Variants in WAC observed in about 807,000 individuals in gnomAD.
WAC encodes the protein WW domain containing adaptor with coiled-coil.
WAC carries 11 observed loss-of-function variants against 79.6 expected under a neutral mutation model. The observed-to-expected ratio is 0.14, with a 90% CI of 0.09 to 0.23. The LOEUF (loss-of-function observed/expected upper bound fraction) is 0.23. Ranked by LOEUF, WAC falls within the 10% of genes least tolerant of loss-of-function variation. WAC has a pLI of 1.00. For synonymous variants in WAC, 304 were observed against 276.9 expected, an observed-to-expected ratio of 1.10 and a Z score of -0.97; for missense variants, 728 against 773.5, an observed-to-expected ratio of 0.94 and a Z score of 0.70.
In WAC at chr10:28,608,170, T is replaced by G; in HGVS notation, c.920-16T>G. ...CTATTCAGGTAATTTTTCAGGCTGA[T>G]TATCTTTTTATTTAGAATCTACATC... On this transcript the variant is annotated splice_polypyrimidine_tract_variant and intron_variant, in intron 7 of 13. Coordinates refer to ENST00000354911, the MANE Select transcript of WAC (RefSeq NM_016628.5). 6.2e-6 allele frequency: 10 copies of G among 1,612,252 alleles called. No individual in the cohort carries two copies. Among genetic ancestry groups the G allele is most frequent in the Non-Finnish European group, 8.5e-6 (10 of 1,178,984 alleles).
intron 3 of WAC, among the ~76,000 whole-genome samples, chr10:28,540,900 C>A (rs989971191): frequency 1.3e-5 from 2 of 151,742 alleles, no homozygotes; most frequent in Non-Finnish European, 2.9e-5. Context: ...TTTTAGAAAA[C>A]AGTGTCTGTG....
At chr10:28,540,643 C>G (rs1165076552) in intron 3 of WAC, among the ~76,000 whole-genome samples, 1 of 152,208 alleles carries the variant, frequency 6.6e-6, no homozygotes, top group Admixed American at 6.5e-5. Context: ...GAATATAATA[C>G]ACTAACGTTT....
intron 3 of WAC, among the ~76,000 whole-genome samples, chr10:28,558,662 G>C (rs1208720661): frequency 1.3e-5 from 2 of 152,060 alleles, no homozygotes; most frequent in African/African-American, 4.8e-5. Context: ...TTGTATCAGA[G>C]ACTAAAATCA....
chr10:28,581,192 A>T (rs868384235), intron 3 of WAC, among the ~76,000 whole-genome samples: 1 of 149,730 alleles, frequency 6.7e-6, no homozygotes, highest in Non-Finnish European at 1.5e-5. Flanking sequence ...GGTGTTCAGT[A>T]CAAACCATAT....
intron 3 of WAC, among the ~76,000 whole-genome samples, chr10:28,554,026 C>T (rs1837848251): frequency 6.6e-6 from 1 of 152,100 alleles, no homozygotes; most frequent in East Asian, 1.9e-4. Context: ...ACCACCACGC[C>T]TGGCTAATTT....
At chr10:28,565,251 C>A (rs2132511757) in intron 3 of WAC, among the ~76,000 whole-genome samples, 1 of 152,336 alleles carries the variant, frequency 6.6e-6, no homozygotes, top group East Asian at 1.9e-4. Flanking sequence ...AGGCTGTTAG[C>A]AGTACAGCTC....
intron 7 of WAC, among the ~76,000 whole-genome samples, chr10:28,604,621 T>C (rs1412144040): frequency 6.6e-6 from 1 of 152,102 alleles, no homozygotes; most frequent in Non-Finnish European, 1.5e-5. Flanking sequence ...TAATTCCAGC[T>C]GAGGCAGGAG....
rs1348317223 is a variant in WAC at position 28,622,232 on chromosome 10, T to C, written c.*2626T>C. 3 of 152,138 alleles carry C rather than the reference T, an allele frequency of 2.0e-5. No individual in the cohort carries two copies. Among genetic ancestry groups the C allele is most frequent in the East Asian group, 3.9e-4 (2 of 5,190 alleles). The allele number at this position is 152,138 out of a possible 1,614,324, so 9.4% of individuals were successfully genotyped here. On this transcript the variant is annotated 3_prime_UTR_variant, in exon 14 of 14. Transcript: ENST00000354911. ...AAATTTTGTGGAAATATTTTAAATA[T>C]TGCACCTTAATACAAGGTATCCAGC...
intron 10 of WAC, among the ~76,000 whole-genome samples, chr10:28,613,589 C>A (rs1841347322): frequency 6.6e-6 from 1 of 152,030 alleles, no homozygotes; most frequent in South Asian, 2.1e-4. Flanking sequence ...AATAATTGAA[C>A]ATTTGAGCTT....
intron 3 of WAC, among the ~76,000 whole-genome samples, chr10:28,568,169 G>A (rs1564391149): frequency 6.6e-6 from 1 of 152,148 alleles, no homozygotes; most frequent in Non-Finnish European, 1.5e-5. Context: ...GTTATAGAGG[G>A]CAAATACAGA....
chr10:28,617,000 G>A (rs370570811), intron 12 of WAC, among the ~76,000 whole-genome samples: 7 of 152,018 alleles, frequency 4.6e-5, no homozygotes, highest in African/African-American at 1.4e-4. Flanking sequence ...CCAGAATTAC[G>A]TGAACCCAGG....
At chr10:28,568,752 A>G (rs997686598) in intron 3 of WAC, among the ~76,000 whole-genome samples, 1 of 151,940 alleles carries the variant, frequency 6.6e-6, no homozygotes, top group African/African-American at 2.4e-5. Context: ...AGGCTTATTT[A>G]TTACAGAGAC....
chr10:28,555,914 A>G (rs1031248528), intron 3 of WAC, among the ~76,000 whole-genome samples: 3 of 152,146 alleles, frequency 2.0e-5, no homozygotes, highest in African/African-American at 4.8e-5. Flanking sequence ...TTCTTTATAA[A>G]TTACACAGTC....
At position 28,595,821 on chromosome 10, in the gene WAC, A is replaced by G; in HGVS notation, c.699A>G (p.Arg233=). The G allele has an allele frequency of 6.2e-7, 1 of 1,614,154 alleles. No individual in the cohort carries two copies. The highest frequency in any genetic ancestry group is 1.1e-5 in the South Asian group (1 of 91,082). The change falls in exon 7 of 14, where the codon AGA becomes AGG. Residue 233 remains arginine (R), a synonymous_variant. Transcript: ENST00000354911. The part of the protein sequence containing the change: ...QTSRHNDRDY[R]LPRAETHSSS... ...GCAGACACAATGACAGAGACTACAG[A>G]CTGCCAAGAGCAGAGACTCACAGTA... is the stretch of plus-strand genomic sequence containing the variant.
chr10:28,601,828 G>A (rs942498651), intron 7 of WAC, among the ~76,000 whole-genome samples: 14 of 152,110 alleles, frequency 9.2e-5, no homozygotes, highest in African/African-American at 3.4e-4. Flanking sequence ...ATATACTAGG[G>A]TACCCAGAAT....
chr10:28,553,776 T>C (rs1164735965), intron 3 of WAC, among the ~76,000 whole-genome samples: 2 of 152,212 alleles, frequency 1.3e-5, no homozygotes, highest in Non-Finnish European at 2.9e-5. Flanking sequence ...GATGGTTGTG[T>C]CTTTACTGAA....
chr10:28,583,146 A>G (rs1344510030), intron 3 of WAC, among the ~76,000 whole-genome samples: 1 of 152,110 alleles, frequency 6.6e-6, no homozygotes, highest in Non-Finnish European at 1.5e-5. Context: ...TGTTTCTCTC[A>G]AAAAGGTTGT....
chr10:28,540,329 T>G (rs1394337017), intron 3 of WAC, among the ~76,000 whole-genome samples: 1 of 152,222 alleles, frequency 6.6e-6, no homozygotes, highest in East Asian at 1.9e-4. Flanking sequence ...TGTCAGAGAT[T>G]AAACACTTGG....
intron 3 of WAC, among the ~76,000 whole-genome samples, chr10:28,558,925 CG>C (rs1838146342): frequency 6.6e-6 from 1 of 152,012 alleles, no homozygotes; most frequent in African/African-American, 2.4e-5. Flanking sequence ...CCTAGAATGA[CG>C]AATACGGGTA....
Sources: allele counts gnomAD v4.1 joint callset (sites outside exome capture counted in the v4.1 genomes callset), GRCh38; gene constraint gnomAD v4.1.1; transcripts MANE v1.5; gene names NCBI Gene and HGNC (gene_info 2026-07-23, HGNC 2026-07-21).